PHF14: variants seen among roughly 807,000 people sequenced by gnomAD.
PHF14 encodes PHD finger protein 14.
Under a neutral mutation model 117.9 loss-of-function variants are expected in PHF14, and 55 were observed. That is an observed-to-expected ratio of 0.47 (90% CI 0.38 to 0.58). The LOEUF (loss-of-function observed/expected upper bound fraction) is 0.58, where lower values mean the gene tolerates loss of function less well. Ranked by LOEUF, PHF14 falls within the 20% of genes least tolerant of loss-of-function variation. PHF14 has a pLI of 0.00. For missense variants in PHF14, 978 were observed against 1,122.2 expected (o/e 0.87, Z 1.84); for synonymous variants, 409 against 368.6 (o/e 1.11, Z -1.26).
At chr7:11,143,997 A>C (rs1788471692) in intron 17 of PHF14, among the ~76,000 whole-genome samples, 1 of 152,136 alleles carries the variant, frequency 6.6e-6, no homozygotes, top group Non-Finnish European at 1.5e-5. Flanking sequence ...TGCTCTGTAG[A>C]ACATACCTGG....
intron 7 of PHF14, among the ~76,000 whole-genome samples, chr7:11,033,185 A>G (rs569196482): frequency 6.6e-6 from 1 of 152,354 alleles, no homozygotes; most frequent in Non-Finnish European, 1.5e-5. Flanking sequence ...CAACCAATGC[A>G]TTAATTAGGA....
chr7:11,131,116 G>T (rs148614324), intron 17 of PHF14, among the ~76,000 whole-genome samples: 181 of 151,888 alleles, frequency 1.2e-3, no homozygotes, highest in African/African-American at 4.2e-3. Context: ...CCAAGTTTTG[G>T]CAGTTATGAA....
At chr7:11,126,221 A>G (rs975378641) in intron 17 of PHF14, among the ~76,000 whole-genome samples, 7 of 152,144 alleles carry the variant, frequency 4.6e-5, no homozygotes, top group Non-Finnish European at 8.8e-5. Context: ...TTAATGCAGC[A>G]GTTTCAACAA....
At position 11,051,643 on chromosome 7, in the gene PHF14, A is replaced by G. The variant is rs771246849; in HGVS notation, c.2344A>G (p.Ser782Gly). ...QCSECDQAGSSDMEADMAMET... is the reference protein window; with the variant it reads ...QCSECDQAGSGDMEADMAMET... ...CTCGGAATGTGACCAGGCAGGGAGCAGTGACATGGAAGCAGATATGGCCAT... is the reference window on the plus strand; with the variant it reads ...CTCGGAATGTGACCAGGCAGGGAGCGGTGACATGGAAGCAGATATGGCCAT... Residue 782 changes from serine (S) to glycine (G), a missense_variant, in exon 14 of 18, where the codon AGT (serine) becomes GGT (glycine). Ser to Gly is a moderately conservative substitution (Grantham distance 56, BLOSUM62 0). Coordinates refer to ENST00000634607, the MANE Select transcript of PHF14 (RefSeq NM_001007157.2). 20 of 1,613,318 alleles carry G rather than the reference A, an allele frequency of 1.2e-5. No homozygotes were observed. The highest frequency in any genetic ancestry group is 1.7e-5 in the Non-Finnish European group (20 of 1,179,592).
intron 17 of PHF14, among the ~76,000 whole-genome samples, chr7:11,167,890 G>A (rs562451723): frequency 2.0e-5 from 3 of 151,930 alleles, no homozygotes; most frequent in Admixed American, 6.6e-5. Flanking sequence ...TTAGCCGGGC[G>A]TGGTGGTGGG....
chr7:11,111,368 C>A lies in PHF14; in HGVS notation c.2673C>A (p.Leu891=). The part of the protein sequence containing the change: ...ENLVRCDECR[L]CYHFGCLDPP... ...CCTGCAGGTGTGATGAATGCAGACT[C>A]TGCTACCATTTTGGCTGTTTGGATC... The change falls in exon 17 of 18, where the codon CTC becomes CTA. Residue 891 remains leucine, a synonymous_variant. Coordinates refer to ENST00000634607, the MANE Select transcript of PHF14 (RefSeq NM_001007157.2). 1 of 1,598,194 alleles carries A rather than the reference C, an allele frequency of 6.3e-7. No homozygotes were observed.
At chr7:11,136,177 G>A (rs142707689) in intron 17 of PHF14, among the ~76,000 whole-genome samples, 129 of 152,244 alleles carry the variant, frequency 8.5e-4, no homozygotes, top group African/African-American at 3.0e-3. Flanking sequence ...ATGTAAGGCT[G>A]TAAGGTCAAT....
At chr7:10,974,984 T>C in intron 2 of PHF14, 39 bp downstream of exon 2, 1 of 1,022,166 alleles carries the variant, frequency 9.8e-7, no homozygotes, top group South Asian at 1.4e-5. Flanking sequence ...CCCAGCTTTC[T>C]GGAGTTAGGC....
At chr7:11,035,492 T>A in intron 7 of PHF14, 148 bp from the exon 8 acceptor site, 1 of 428,718 alleles carries the variant, frequency 2.3e-6, no homozygotes, top group Non-Finnish European at 4.0e-6. Context: ...ATTTTTGTCA[T>A]TATGTACAAA....
At chr7:11,028,159 C>A (rs193287979) in intron 6 of PHF14, among the ~76,000 whole-genome samples, 311 of 152,244 alleles carry the variant, frequency 2.0e-3, no homozygotes, top group African/African-American at 7.3e-3. Context: ...GGAACATTTA[C>A]ATTAGCCTAC....
At chr7:11,136,138 C>T (rs961049998) in intron 17 of PHF14, among the ~76,000 whole-genome samples, 3 of 152,096 alleles carry the variant, frequency 2.0e-5, no homozygotes, top group Non-Finnish European at 2.9e-5. Context: ...ATGGTAAAAT[C>T]CTTCATTTCT....
intron 5 of PHF14, among the ~76,000 whole-genome samples, chr7:11,022,348 T>C (rs955347667): frequency 1.3e-5 from 2 of 152,200 alleles, no homozygotes; most frequent in Non-Finnish European, 2.9e-5. Context: ...TAAAACTGTA[T>C]ACAAAAATTG....
chr7:11,164,895 G>A (rs776040323), intron 17 of PHF14, among the ~76,000 whole-genome samples: 4 of 152,112 alleles, frequency 2.6e-5, no homozygotes, highest in Non-Finnish European at 5.9e-5. Flanking sequence ...TGTGGTCTGT[G>A]ATAGTTCCAA....
At chr7:11,046,751 G>A (rs978916659) in intron 13 of PHF14, among the ~76,000 whole-genome samples, 5 of 152,076 alleles carry the variant, frequency 3.3e-5, no homozygotes, top group Middle Eastern at 3.4e-3. Flanking sequence ...AGGGACTGAG[G>A]TATTACTTGT....
chr7:11,125,466 T>C (rs1454673946), intron 17 of PHF14, among the ~76,000 whole-genome samples: 1 of 152,142 alleles, frequency 6.6e-6, no homozygotes, highest in African/African-American at 2.4e-5. Flanking sequence ...GTATTGAGTA[T>C]AAATACAATT....
At chr7:11,031,771 A>G (rs943946245) in intron 7 of PHF14, among the ~76,000 whole-genome samples, 7 of 152,134 alleles carry the variant, frequency 4.6e-5, no homozygotes, top group African/African-American at 1.7e-4. Context: ...TTAAATAAAT[A>G]AGTAAAAAAA....
intron 13 of PHF14, among the ~76,000 whole-genome samples, chr7:11,047,562 G>A (rs1321782763): frequency 2.0e-5 from 3 of 150,936 alleles, no homozygotes; most frequent in Non-Finnish European, 4.4e-5. Flanking sequence ...TTGGGAGGCT[G>A]AGGCGGGCGG....
intron 10 of PHF14, among the ~76,000 whole-genome samples, chr7:11,037,877 C>G (rs1784363535): frequency 1.3e-5 from 2 of 152,214 alleles, no homozygotes; most frequent in South Asian, 4.1e-4. Context: ...TCTTGGCCAA[C>G]TCACAAAAAC....
chr7:11,006,159 C>A (rs1231213449), intron 4 of PHF14, among the ~76,000 whole-genome samples: 1 of 152,128 alleles, frequency 6.6e-6, no homozygotes, highest in East Asian at 1.9e-4. Context: ...GTACTAATTA[C>A]CAACAATGCA....
Sources: gnomAD v4.1 joint callset for allele counts (sites outside exome capture counted in the v4.1 genomes callset) on GRCh38, gnomAD v4.1.1 for gene constraint, MANE v1.5 for transcripts, NCBI Gene and HGNC (gene_info 2026-07-23, HGNC 2026-07-21) for gene names.